GLI3: variants seen among roughly 807,000 people sequenced by gnomAD.
GLI3 encodes the protein transcription activator GLI3.
GLI3 carries 20 observed loss-of-function variants against 100.8 expected under a neutral mutation model. That is an observed-to-expected ratio of 0.20 (90% CI 0.14 to 0.29). GLI3 has a LOEUF of 0.29. Among genes scored for constraint, GLI3 ranks in the 10% least tolerant of loss-of-function variants. GLI3 has a pLI of 1.00. For missense variants in GLI3, 2,040 were observed against 2,128.5 expected, an observed-to-expected ratio of 0.96 and a Z score of 0.82; for synonymous variants, 938 against 860.5, an observed-to-expected ratio of 1.09 and a Z score of -1.58.
At chr7:42,145,960 C>T (rs368495788) in intron 3 of GLI3, among the ~76,000 whole-genome samples, 49 of 152,288 alleles carry the variant, frequency 3.2e-4, no homozygotes, top group African/African-American at 1.2e-3. Context: ...TTGTCAAGGT[C>T]ACACAGCTAG....
intron 3 of GLI3, among the ~76,000 whole-genome samples, chr7:42,097,336 C>T (rs1302654826): frequency 1.3e-5 from 2 of 152,212 alleles, no homozygotes; most frequent in South Asian, 2.1e-4. Flanking sequence ...TAGAGACAGT[C>T]GCTCCCCCTG....
chr7:42,132,311 A>G lies in GLI3; in HGVS notation c.367+15915T>C, dbSNP rs989189267. ...GAGATGGGGTTTCACCATGTTAGCC[A>G]GGATGGTCTCGATCTCCTGACCTCC... On this transcript the variant is annotated intron_variant, in intron 3 of 14. Coordinates refer to ENST00000395925, the MANE Select transcript of GLI3 (RefSeq NM_000168.6). 1.0e-3 allele frequency among the ~76,000 whole-genome samples: 157 copies of G among 152,016 alleles called. No homozygotes were observed. The South Asian group carries it at 0.011, about 11-fold the overall frequency.
intron 4 of GLI3, among the ~76,000 whole-genome samples, chr7:42,062,773 G>A (rs1307043436): frequency 1.3e-5 from 2 of 151,880 alleles, no homozygotes; most frequent in African/African-American, 4.8e-5. Context: ...AGAAATTGAA[G>A]AGGCTTTGTG....
chr7:42,003,297 C>T (rs1788361318), intron 10 of GLI3, among the ~76,000 whole-genome samples: 1 of 152,116 alleles, frequency 6.6e-6, no homozygotes, highest in African/African-American at 2.4e-5. Flanking sequence ...ATGAAAGCAG[C>T]ATTTCACACT....
intron 10 of GLI3, among the ~76,000 whole-genome samples, chr7:42,012,523 T>C (rs1788647609): frequency 6.6e-6 from 1 of 152,170 alleles, no homozygotes; most frequent in Non-Finnish European, 1.5e-5. Context: ...AGACCATTGC[T>C]CAGGGTTAGC....
intron 3 of GLI3, among the ~76,000 whole-genome samples, chr7:42,128,709 C>T (rs772180820): frequency 5.3e-5 from 8 of 152,072 alleles, no homozygotes; most frequent in Non-Finnish European, 8.8e-5. Flanking sequence ...GCCCATGAGC[C>T]GTCCTTGGTA....
At chr7:42,206,096 C>T (rs1788146010) in intron 2 of GLI3, among the ~76,000 whole-genome samples, 1 of 151,948 alleles carries the variant, frequency 6.6e-6, no homozygotes, top group Admixed American at 6.6e-5. Flanking sequence ...GGTGAAACCC[C>T]ATCTCTACTA....
At chr7:42,138,175 A>C (rs1295107210) in intron 3 of GLI3, among the ~76,000 whole-genome samples, 1 of 152,198 alleles carries the variant, frequency 6.6e-6, no homozygotes, top group African/African-American at 2.4e-5. Context: ...AAAGTTTTTT[A>C]ATGAAAATAA....
chr7:42,018,457 A>T (rs904874583), intron 10 of GLI3, among the ~76,000 whole-genome samples: 3 of 152,178 alleles, frequency 2.0e-5, no homozygotes, highest in Non-Finnish European at 4.4e-5. Context: ...TAGCAAAGGG[A>T]TCGAAATTAT....
chr7:41,986,231 T>G (rs1787818916), intron 10 of GLI3, among the ~76,000 whole-genome samples: 1 of 152,236 alleles, frequency 6.6e-6, no homozygotes, highest in African/African-American at 2.4e-5. Flanking sequence ...AATGGACTTC[T>G]TCCTGGCTGT....
chr7:42,183,418 C>A (rs73094384), intron 2 of GLI3, among the ~76,000 whole-genome samples: 19,427 of 152,142 alleles, frequency 0.13, 1,607 homozygotes, highest in Non-Finnish European at 0.18. Context: ...GGGGGCAAAT[C>A]AGGAAGGGGC....
chr7:42,150,131 G>GTGCAGATCC (rs1786819736), intron 2 of GLI3: 1 of 152,032 alleles, frequency 6.6e-6, no homozygotes, highest in African/African-American at 2.4e-5. Context: ...ATAATGTTTT[G>GTGCAGATCC]TGCAGATCCT....
intron 3 of GLI3, among the ~76,000 whole-genome samples, chr7:42,093,356 G>T (rs1785268755): frequency 7.1e-6 from 1 of 141,588 alleles, no homozygotes; most frequent in Non-Finnish European, 1.5e-5. Flanking sequence ...TCCAGCCTGG[G>T]CAACAACAGC....
intron 2 of GLI3, among the ~76,000 whole-genome samples, chr7:42,165,090 C>A (rs941030758): frequency 1.3e-5 from 2 of 150,006 alleles, no homozygotes; most frequent in African/African-American, 4.9e-5. Flanking sequence ...GCCTGGCCAA[C>A]ATGGTGAAAC....
At chr7:42,260,615 G>A (rs1789128030) in intron 1 of GLI3, among the ~76,000 whole-genome samples, 1 of 152,126 alleles carries the variant, frequency 6.6e-6, no homozygotes, top group Non-Finnish European at 1.5e-5. Flanking sequence ...AAAACAAGTG[G>A]TATGTCTGAT....
intron 2 of GLI3, among the ~76,000 whole-genome samples, chr7:42,213,944 G>A (rs1211361934): frequency 6.6e-6 from 1 of 152,222 alleles, no homozygotes; most frequent in African/African-American, 2.4e-5. Flanking sequence ...TTAAACATGG[G>A]TACAAATGCA....
intron 3 of GLI3, among the ~76,000 whole-genome samples, chr7:42,083,906 C>A (rs1785048123): frequency 6.6e-6 from 1 of 152,140 alleles, no homozygotes; most frequent in African/African-American, 2.4e-5. Flanking sequence ...GCAATAATAG[C>A]AGTAGCTAAG....
chr7:42,195,710 G>A (rs1787915529), intron 2 of GLI3, among the ~76,000 whole-genome samples: 1 of 152,004 alleles, frequency 6.6e-6, no homozygotes, highest in Non-Finnish European at 1.5e-5. Flanking sequence ...ATTCCCTAAG[G>A]GCAGAAATTA....
chr7:42,128,675 G>T (rs1402236410), intron 3 of GLI3, among the ~76,000 whole-genome samples: 3 of 150,956 alleles, frequency 2.0e-5, no homozygotes, highest in African/African-American at 7.3e-5. Context: ...TAAATGTGCA[G>T]AGGGAAAAAC....
Sources: gnomAD v4.1 joint callset for allele counts (sites outside exome capture counted in the v4.1 genomes callset) on GRCh38, gnomAD v4.1.1 for gene constraint, MANE v1.5 for transcripts, NCBI Gene and HGNC (gene_info 2026-07-23, HGNC 2026-07-21) for gene names.